ERAP2: variants seen among roughly 807,000 people sequenced by gnomAD.
ERAP2 encodes leukocyte-derived arginine aminopeptidase.
In ERAP2, 118 loss-of-function variants were observed where a neutral mutation model predicts 111.1. The observed-to-expected ratio is 1.06, with a 90% confidence interval of 0.92 to 1.24. ERAP2 has a LOEUF of 1.24. Ranked by LOEUF, ERAP2 falls within the 50% of genes most tolerant of loss-of-function variation. The pLI is 0.00. For synonymous variants in ERAP2, 410 were observed against 401.2 expected, an observed-to-expected ratio of 1.02 and a Z score of -0.26; for missense variants, 1,131 against 1,125.8, an observed-to-expected ratio of 1.00 and a Z score of -0.07.
At chr5:96,891,563 C>T (rs1559358) in intron 5 of ERAP2, among the ~76,000 whole-genome samples, 61,548 of 139,522 alleles carry the variant, frequency 0.44, 13,909 homozygotes, top group East Asian at 0.56. Flanking sequence ...CACACACACA[C>T]ATATATGGTA....
chr5:96,906,745 C>T (rs879607384), intron 13 of ERAP2, among the ~76,000 whole-genome samples: 1 of 152,134 alleles, frequency 6.6e-6, no homozygotes, highest in Non-Finnish European at 1.5e-5. Flanking sequence ...AAAGAGAAAA[C>T]CCCACATTGG....
intron 14 of ERAP2, 43 bp from the exon 15 acceptor site, chr5:96,909,537 A>C: frequency 6.6e-7 from 1 of 1,507,522 alleles, no homozygotes; most frequent in Non-Finnish European, 9.2e-7. Context: ...TGTGTTAAGG[A>C]CTAAATTTAG....
At chr5:96,911,551 G>C (rs1044767981) in intron 15 of ERAP2, among the ~76,000 whole-genome samples, 1 of 151,890 alleles carries the variant, frequency 6.6e-6, no homozygotes, top group Non-Finnish European at 1.5e-5. Context: ...AGACTCTCTA[G>C]GCCTAGAGAG....
intron 1 of ERAP2, among the ~76,000 whole-genome samples, chr5:96,876,954 A>T (rs942366110): frequency 1.3e-5 from 2 of 151,970 alleles, no homozygotes; most frequent in South Asian, 4.2e-4. Context: ...TCATCTGTTT[A>T]TTTAATTTAA....
In ERAP2 at chr5:96,882,409, A is replaced by T. The variant is rs555671929; in HGVS notation, c.576-1383A>T. ...TTCCTGATGCTCCTTATGGTTAATT[A>T]GTCAGTTCCCTTCATACTCAGTCAC... On this transcript the variant is annotated intron_variant, in intron 2 of 18. Transcript: ENST00000437043. Among the ~76,000 whole-genome samples, 3 of 152,296 alleles carry T rather than the reference A, an allele frequency of 2.0e-5. No individual in the cohort carries two copies. In the South Asian group the frequency reaches 6.2e-4, roughly 32 times the overall value.
At chr5:96,912,121 G>A (rs1288219614) in intron 15 of ERAP2, among the ~76,000 whole-genome samples, 1 of 148,536 alleles carries the variant, frequency 6.7e-6, no homozygotes, top group Non-Finnish European at 1.5e-5. Context: ...ACCCCGGGGG[G>A]CGGAGCCTGC....
intron 13 of ERAP2, among the ~76,000 whole-genome samples, chr5:96,907,650 G>A (rs1440584508): frequency 6.6e-6 from 1 of 151,978 alleles, no homozygotes; most frequent in Non-Finnish European, 1.5e-5. Context: ...GGGAGGCCGA[G>A]GCGGGTGGAT....
At chr5:96,916,681 G>A (rs1026473498) in intron 18 of ERAP2, among the ~76,000 whole-genome samples, 1 of 151,256 alleles carries the variant, frequency 6.6e-6, no homozygotes, top group Non-Finnish European at 1.5e-5. Flanking sequence ...TGTTAGCCAG[G>A]GTGGTCTCGA....
At chr5:96,910,661 A>G (rs921844781) in intron 15 of ERAP2, among the ~76,000 whole-genome samples, 2 of 152,244 alleles carry the variant, frequency 1.3e-5, no homozygotes, top group African/African-American at 2.4e-5. Flanking sequence ...AGTGTTCAAC[A>G]TGTTGAATAT....
At chr5:96,906,860 C>T (rs1054278507) in intron 13 of ERAP2, among the ~76,000 whole-genome samples, 3 of 152,098 alleles carry the variant, frequency 2.0e-5, no homozygotes, top group Admixed American at 1.3e-4. Context: ...GTTGAAACCC[C>T]GTCTCTACTA....
In ERAP2 at chr5:96,883,890, G is replaced by T; in HGVS notation, c.674G>T (p.Arg225Leu). ...LFKANFSIKI[R>L]RESRHIALSN... is the part of the protein sequence containing the mutation. ...AAAGCCAACTTTTCAATCAAGATAC[G>T]AAGAGAGAGCAGGCATATTGCACTA... The change falls in exon 3 of 19, where the codon CGA becomes CTA. Residue 225 changes from arginine (R) to leucine (L), a missense_variant. Physicochemically the swap from Arg to Leu is moderately radical, Grantham distance 102. Transcript: ENST00000437043. 1 of 1,613,616 alleles carries T rather than the reference G, an allele frequency of 6.2e-7. No individual in the cohort carries two copies. The highest frequency in any genetic ancestry group is 8.5e-7 in the Non-Finnish European group (1 of 1,179,800).
Position 96,901,498 on chromosome 5 carries a change from C to T in ERAP2, c.1573-8C>T. The T allele has an allele frequency of 6.2e-7, 1 of 1,612,554 alleles. No homozygotes were observed. The highest frequency in any genetic ancestry group is 8.5e-7 in the Non-Finnish European group (1 of 1,178,944). ...CTCTTGAGTTATCATAGTCACCTGT[C>T]ATTTCAGCTCGCCTTTCTGGGGGAA... On this transcript the variant is annotated splice_polypyrimidine_tract_variant and splice_region_variant and intron_variant, in intron 10 of 18. Transcript: ENST00000437043.
rs751139035 is a variant in ERAP2, at chr5:96,886,742, GT to G, written c.805del (p.Cys269ValfsTer6). 1,936 of 1,538,388 alleles carry G rather than the reference GT, an allele frequency of 1.3e-3. 4 individuals are homozygous for G. The highest frequency in any genetic ancestry group is 1.5e-3 in the Non-Finnish European group (1,716 of 1,128,196). The stretch of plus-strand genomic sequence containing the variant: ...GAGTACATACCTTGTAGCCTACATA[GT>G]TTGTGATTTCCACTCTCTGAGTGGC... ...KMSTYLVAYI[V>X]CDFHSLSGFT... On this transcript the variant is annotated frameshift_variant, in exon 4 of 19. Transcript: ENST00000437043. LOFTEE classifies it high-confidence loss of function.
Position 96,901,667 on chromosome 5 carries a change from G to C in ERAP2, c.1734G>C (p.Arg578Ser). ...TTTTCCAGGAAGACCCTGAATGGAG[G>C]GCCCTGCAGGAGAGGTGGCTGCTTT... ...QGVFQEDPEW[R>S]ALQERYLWHI... Residue 578 changes from arginine (R) to serine (S), a missense_variant, in exon 11 of 19, where the codon AGG (arginine) becomes AGC (serine). This residue lies in a region of ERAP2 where 847 missense variants were observed against 856.5 expected (regional missense o/e 0.99). Transcript: ENST00000437043. 6.2e-7 allele frequency: 1 copy of C among 1,613,808 alleles called. No individual in the cohort carries two copies. The highest frequency in any genetic ancestry group is 8.5e-7 in the Non-Finnish European group (1 of 1,179,900).
rs577365041 is a variant in ERAP2 at position 96,899,218 on chromosome 5, A to G, written c.1504-903A>G. Among the ~76,000 whole-genome samples, 6 of 116,808 alleles carry G rather than the reference A, an allele frequency of 5.1e-5. No individual in the cohort carries two copies. The South Asian group carries it at 2.1e-3, about 40-fold the overall frequency. The allele number at this position is 116,808 out of a possible 152,430, so 76.6% of individuals were successfully genotyped here. A position where few individuals can be genotyped will look rare whatever the true frequency, so the allele number is the denominator to read the frequency against. ...TCACCAAGTCAGTGAGAAAATCAGT[A>G]CTTAAAATTTGTCTTCTAAGTCCAA... On this transcript the variant is annotated intron_variant, in intron 9 of 18. Transcript: ENST00000437043.
intron 12 of ERAP2, 133 bp from the exon 13 acceptor site, chr5:96,903,244 A>G (rs1275366278): frequency 4.6e-6 from 3 of 646,196 alleles, no homozygotes; most frequent in East Asian, 2.9e-5. Flanking sequence ...ACGAAAATGA[A>G]TATCATTATG....
chr5:96,895,880 T>C (rs1784817216), intron 7 of ERAP2, among the ~76,000 whole-genome samples: 1 of 152,156 alleles, frequency 6.6e-6, no homozygotes, highest in East Asian at 1.9e-4. Flanking sequence ...GTTAATTAGG[T>C]CTTTGGGATA....
intron 14 of ERAP2, 131 bp downstream of exon 14, chr5:96,909,248 T>C: frequency 1.2e-6 from 1 of 801,292 alleles, no homozygotes; most frequent in Middle Eastern, 3.4e-4. Flanking sequence ...TGATAGCATG[T>C]AATGGTCAAT....
At chr5:96,889,495 T>C (rs1784105609) in intron 5 of ERAP2, 190 bp downstream of exon 5, 2 of 716,848 alleles carry the variant, frequency 2.8e-6, no homozygotes, top group Non-Finnish European at 5.0e-6. Context: ...GCCCCAACAG[T>C]GTGGATCATT....
Sources: allele counts gnomAD v4.1 joint callset (sites outside exome capture counted in the v4.1 genomes callset), GRCh38; gene constraint gnomAD v4.1.1; regional missense constraint gnomAD v4.1.1; transcripts MANE v1.5; gene names NCBI Gene and HGNC (gene_info 2026-07-23, HGNC 2026-07-21).